CCDC171: variants seen among roughly 807,000 people sequenced by gnomAD.
CCDC171 encodes the protein coiled-coil domain-containing protein 171.
In CCDC171, 177 loss-of-function variants were observed where a neutral mutation model predicts 168.2. That is an observed-to-expected ratio of 1.05 (90% confidence interval 0.93 to 1.19). The LOEUF is 1.19. Among genes scored for constraint, CCDC171 ranks in the 50% most tolerant of loss-of-function variants. The probability of loss-of-function intolerance (pLI) is 0.00; values close to 1 mark genes in which losing one functional copy is unlikely to be tolerated. For missense variants in CCDC171, 1,991 were observed against 1,539.0 expected (o/e 1.29, Z -4.91); for synonymous variants, 687 against 540.8 (o/e 1.27, Z -3.75).
At chr9:15,789,057 G>A (rs1485495329) in intron 21 of CCDC171, among the ~76,000 whole-genome samples, 3 of 152,082 alleles carry the variant, frequency 2.0e-5, no homozygotes, top group Non-Finnish European at 4.4e-5. Flanking sequence ...GTCAGTATGT[G>A]GAAATCAAAG....
intron 21 of CCDC171, among the ~76,000 whole-genome samples, chr9:15,835,311 A>G (rs1369331617): frequency 6.6e-6 from 1 of 152,150 alleles, no homozygotes; most frequent in Non-Finnish European, 1.5e-5. Context: ...TAACTGAGCA[A>G]TTTCCTGTCT....
At chr9:15,605,350 A>T (rs945665293) in intron 6 of CCDC171, among the ~76,000 whole-genome samples, 7 of 151,922 alleles carry the variant, frequency 4.6e-5, no homozygotes, top group Non-Finnish European at 2.9e-5. Context: ...AATGGCATAG[A>T]AAAGGACTCT....
At chr9:15,663,736 G>C (rs2048501105) in intron 8 of CCDC171, among the ~76,000 whole-genome samples, 1 of 151,462 alleles carries the variant, frequency 6.6e-6, no homozygotes, top group African/African-American at 2.4e-5. Context: ...CTCCTGAGTA[G>C]CTGGGACTGC....
At chr9:15,786,309 A>AT (rs1429678037) in intron 21 of CCDC171, among the ~76,000 whole-genome samples, 1 of 152,086 alleles carries the variant, frequency 6.6e-6, no homozygotes, top group African/African-American at 2.4e-5. Flanking sequence ...ATGACTGTGA[A>AT]TTTTTTTCAC....
intron 7 of CCDC171, among the ~76,000 whole-genome samples, chr9:15,630,548 G>A (rs1394764978): frequency 6.6e-6 from 1 of 152,114 alleles, no homozygotes; most frequent in East Asian, 1.9e-4. Context: ...GACCTACAAA[G>A]AGACTTAGAC....
At chr9:16,025,801 G>A (rs1423155659) in intron 6 of CCDC171, among the ~76,000 whole-genome samples, 1 of 152,182 alleles carries the variant, frequency 6.6e-6, no homozygotes, top group Non-Finnish European at 1.5e-5. Flanking sequence ...AGGGGAAATA[G>A]GGAATGACTG....
chr9:15,763,209 G>T (rs2135125871), intron 18 of CCDC171, among the ~76,000 whole-genome samples: 1 of 152,318 alleles, frequency 6.6e-6, no homozygotes, highest in South Asian at 2.1e-4. Flanking sequence ...TTGTCCTCAG[G>T]ATGTGTTACC....
the CCDC171 span, among the ~76,000 whole-genome samples, chr9:16,074,917 C>CT: frequency 1.3e-5 from 2 of 152,162 alleles, no homozygotes; most frequent in African/African-American, 4.8e-5. Flanking sequence ...ACCAAATGCT[C>CT]TAAGTACAAA....
intron 7 of CCDC171, among the ~76,000 whole-genome samples, chr9:15,643,946 G>A (rs2046836361): frequency 1.3e-5 from 2 of 152,072 alleles, no homozygotes; most frequent in Admixed American, 1.3e-4. Context: ...CCATTCTATG[G>A]ATTCACAACA....
intron 21 of CCDC171, among the ~76,000 whole-genome samples, chr9:15,801,791 T>C (rs898095847): frequency 3.3e-5 from 5 of 152,098 alleles, no homozygotes; most frequent in Admixed American, 6.6e-5. Flanking sequence ...TGTATGTTCC[T>C]TATATCCCCA....
chr9:15,692,779 G>A (rs1370128480), intron 10 of CCDC171, among the ~76,000 whole-genome samples: 1 of 151,160 alleles, frequency 6.6e-6, no homozygotes, highest in African/African-American at 2.4e-5. Flanking sequence ...CACGCGCCTC[G>A]GCCTCCCAAA....
chr9:15,657,114 A>G lies in CCDC171; in HGVS notation c.823-13A>G. On this transcript the variant is annotated splice_polypyrimidine_tract_variant and intron_variant, in intron 7 of 25. Transcript: ENST00000380701. ...CCAATGTTTATGAATTTAAACTTTT[A>G]ATTTGTTTTCAGGCAACTACTCTAA... The G allele has an allele frequency of 6.6e-7, 1 of 1,504,782 alleles. No individual in the cohort carries two copies. Among genetic ancestry groups the G allele is most frequent in the Non-Finnish European group, 9.1e-7 (1 of 1,097,264 alleles). 93.2% of individuals were successfully genotyped at this position (1,504,782 alleles called of 1,614,324 possible). A position where few individuals can be genotyped will look rare whatever the true frequency, so the allele number is the denominator to read the frequency against.
intron 24 of CCDC171, among the ~76,000 whole-genome samples, chr9:15,897,489 C>A (rs937572048): frequency 5.3e-5 from 8 of 151,998 alleles, no homozygotes; most frequent in African/African-American, 1.7e-4. Flanking sequence ...GTTTATTGAA[C>A]AACTACAGAA....
chr9:16,089,319 C>G, the CCDC171 span, among the ~76,000 whole-genome samples: 2 of 151,758 alleles, frequency 1.3e-5, no homozygotes, highest in Non-Finnish European at 2.9e-5. Context: ...TTCTCCCATT[C>G]TGTAGGTTGC....
At chr9:15,778,615 C>T (rs114346216) in intron 19 of CCDC171, among the ~76,000 whole-genome samples, 2,386 of 107,536 alleles carry the variant, frequency 0.022, 85 homozygotes, top group African/African-American at 0.072. Context: ...CACTGTACTC[C>T]AGCCTGGCCT....
At chr9:15,886,742 G>A (rs760018395) in intron 24 of CCDC171, 1 of 127,824 alleles carries the variant, frequency 7.8e-6, no homozygotes, top group African/African-American at 3.0e-5. Flanking sequence ...TGAATGGACA[G>A]AGGAAATGTT....
intron 24 of CCDC171, among the ~76,000 whole-genome samples, chr9:15,878,109 C>T (rs1303650818): frequency 1.3e-5 from 2 of 151,988 alleles, no homozygotes; most frequent in Non-Finnish European, 2.9e-5. Flanking sequence ...GCAATTGCAA[C>T]AAAGACAACA....
chr9:15,917,274 G>GTAT, intron 24 of CCDC171, among the ~76,000 whole-genome samples: 1 of 151,846 alleles, frequency 6.6e-6, no homozygotes, highest in Non-Finnish European at 1.5e-5. Flanking sequence ...TTTTGAAGGA[G>GTAT]ACTTTTGTTT....
At chr9:15,641,435 A>G in intron 7 of CCDC171, among the ~76,000 whole-genome samples, 1 of 152,208 alleles carries the variant, frequency 6.6e-6, no homozygotes, top group South Asian at 2.1e-4. Flanking sequence ...TTGTTTACTC[A>G]ATCTTTCAGC....
Sources: gnomAD v4.1 joint callset for allele counts (sites outside exome capture counted in the v4.1 genomes callset) on GRCh38, gnomAD v4.1.1 for gene constraint, MANE v1.5 for transcripts, NCBI Gene and HGNC (gene_info 2026-07-23, HGNC 2026-07-21) for gene names.